DERA: variants seen among roughly 807,000 people sequenced by gnomAD.
The protein encoded by DERA is 2-deoxy-D-ribose 5-phosphate aldolase.
DERA carries 15 observed loss-of-function variants against 41.1 expected under a neutral mutation model. That is an observed-to-expected ratio of 0.37 (90% CI 0.24 to 0.56). The LOEUF (loss-of-function observed/expected upper bound fraction) is 0.56, where lower values mean the gene tolerates loss of function less well. Among genes scored for constraint, DERA ranks in the 20% least tolerant of loss-of-function variants. The probability of loss-of-function intolerance (pLI) is 0.81; values close to 1 mark genes in which losing one functional copy is unlikely to be tolerated. For synonymous variants in DERA, 139 were observed against 137.4 expected, an observed-to-expected ratio of 1.01 and a Z score of -0.08; for missense variants, 396 against 403.4, an observed-to-expected ratio of 0.98 and a Z score of 0.16.
rs1417479992 is a variant in DERA at position 15,928,435 on chromosome 12, A to C, written c.31+17021A>C. ...ACAGAAAGGATTACTTTAAATTTCA[A>C]CTCTTTCTGTATTTGCATTTTGGAC... On this transcript the variant is annotated intron_variant, in intron 1 of 8. Coordinates refer to ENST00000428559, the MANE Select transcript of DERA (RefSeq NM_015954.4). The surrounding 1 kb of genome is among the most constrained non-coding windows in gnomAD (Gnocchi z 4.6). 6.6e-6 allele frequency among the ~76,000 whole-genome samples: 1 copy of C among 152,150 alleles called. No homozygotes were observed. Among genetic ancestry groups the C allele is most frequent in the South Asian group, 2.1e-4 (1 of 4,828 alleles).
Position 15,928,158 on chromosome 12 carries a change from T to G in DERA, c.31+16744T>G, listed in dbSNP as rs544624713. Among the ~76,000 whole-genome samples the G allele has an allele frequency of 1.3e-5, 2 of 152,338 alleles. No homozygotes were observed. The highest frequency in any genetic ancestry group is 4.8e-5 in the African/African-American group (2 of 41,572). ...TGTTGAGAATGTCTGAAATTTACTC[T>G]CTTAGCCGTTTTGAAACATACATGA... On this transcript the variant is annotated intron_variant, in intron 1 of 8. Transcript: ENST00000428559. The surrounding 1 kb of genome is among the most constrained non-coding windows in gnomAD (Gnocchi z 4.6).
Position 16,017,773 on chromosome 12 carries a change from C to T in DERA, c.638-14769C>T, listed in dbSNP as rs1296174412. On this transcript the variant is annotated intron_variant, in intron 6 of 8. Transcript: ENST00000428559. This position sits in a 1 kb window ranked among gnomAD's most constrained non-coding sequence, Gnocchi z 5.5. ...AGTGTCGGAATTACCATACGAAACT[C>T]TCTTTCTAACTTTAATCGGTAATTT... Among the ~76,000 whole-genome samples, 1 of 152,190 alleles carries T rather than the reference C, an allele frequency of 6.6e-6. No individual in the cohort carries two copies. The highest frequency in any genetic ancestry group is 1.5e-5 in the Non-Finnish European group (1 of 68,018).
chr12:15,956,920 T>C lies in DERA; in HGVS notation c.32-16T>C. On this transcript the variant is annotated splice_polypyrimidine_tract_variant and intron_variant, in intron 1 of 8. Transcript: ENST00000428559. ...GAAACTTTAGGTTTCAGAAAGTGTT[T>C]TTCTGTCTGTTTTAGACCTTAGCTG... The C allele has an allele frequency of 6.2e-7, 1 of 1,600,942 alleles. No homozygotes were observed. Among genetic ancestry groups the C allele is most frequent in the Non-Finnish European group, 8.6e-7 (1 of 1,168,078 alleles).
intron 6 of DERA, among the ~76,000 whole-genome samples, 184 bp from the exon 7 acceptor site, chr12:16,032,358 G>T (rs971425117): frequency 6.6e-6 from 1 of 152,072 alleles, no homozygotes; most frequent in Non-Finnish European, 1.5e-5. Flanking sequence ...TGATGGTAAG[G>T]GGGAAAAAGT....
rs1948891057 is a variant in DERA, at chr12:16,003,678, G to A, written c.637+21242G>A. 1.3e-5 allele frequency among the ~76,000 whole-genome samples: 2 copies of A among 152,096 alleles called. No homozygotes were observed. The highest frequency in any genetic ancestry group is 2.9e-5 in the Non-Finnish European group (2 of 68,028). ...AAACAGGTGAGTTTGCATTTGTTGG[G>A]GGAGCGCCAGGAAACAAGAGTGTCA... On this transcript the variant is annotated intron_variant, in intron 6 of 8. Transcript: ENST00000428559. The surrounding 1 kb of genome is among the most constrained non-coding windows in gnomAD (Gnocchi z 4.8).
Position 15,918,731 on chromosome 12 carries a change from G to A in DERA, c.31+7317G>A, listed in dbSNP as rs185424361. Among the ~76,000 whole-genome samples the A allele has an allele frequency of 4.4e-4, 67 of 152,256 alleles. No homozygotes were observed. Among genetic ancestry groups the A allele is most frequent in the Admixed American group, 8.5e-4 (13 of 15,300 alleles). On this transcript the variant is annotated intron_variant, in intron 1 of 8. Transcript: ENST00000428559. This position sits in a 1 kb window ranked among gnomAD's most constrained non-coding sequence, Gnocchi z 4.3. ...ACAGGCAACTAAGGGAGATGTTTAT[G>A]TAAATCACCACATACGGCATGTTAA...
chr12:15,948,739 C>A (rs1360864968), intron 1 of DERA, among the ~76,000 whole-genome samples: 1 of 152,158 alleles, frequency 6.6e-6, no homozygotes, highest in African/African-American at 2.4e-5. Context: ...CTGTTGCTGG[C>A]GAGAAGCTGC....
rs1948189549 is a variant in DERA, at chr12:15,915,019, C to G, written c.31+3605C>G. ...TGGGATTTTTTTATTTTAAGAAGCA[C>G]ATTTATTTAGGTAGTTATTGAGTAC... On this transcript the variant is annotated intron_variant, in intron 1 of 8. Coordinates refer to ENST00000428559, the MANE Select transcript of DERA (RefSeq NM_015954.4). This position sits in a 1 kb window ranked among gnomAD's most constrained non-coding sequence, Gnocchi z 4.8. Among the ~76,000 whole-genome samples, 1 of 152,130 alleles carries G rather than the reference C, an allele frequency of 6.6e-6. No individual in the cohort carries two copies. The highest frequency in any genetic ancestry group is 2.1e-4 in the South Asian group (1 of 4,824).
At position 15,936,880 on chromosome 12, in the gene DERA, CTTGTCTTGT is replaced by C. The variant is rs1565588577; in HGVS notation, c.32-20055_32-20047del. Reference sequence around the variant, plus strand: ...CTTGTCTTGTCTTGTCTTGTCTTGTCTTGTCTTGTCCTGTCCTGTCCTGTCCTGTCCTGT... The same window carrying C: ...CTTGTCTTGTCTTGTCTTGTCTTGTCCCTGTCCTGTCCTGTCCTGTCCTGT... On this transcript the variant is annotated intron_variant, in intron 1 of 8. Coordinates refer to ENST00000428559, the MANE Select transcript of DERA (RefSeq NM_015954.4). This position sits in a 1 kb window ranked among gnomAD's most constrained non-coding sequence, Gnocchi z 4.6. Among the ~76,000 whole-genome samples, 2,984 of 144,672 alleles carry C rather than the reference CTTGTCTTGT, an allele frequency of 0.021. 126 individuals are homozygous for C. Among genetic ancestry groups the C allele is most frequent in the African/African-American group, 0.075 (2,813 of 37,518 alleles). The allele number at this position is 144,672 out of a possible 152,430, so 94.9% of individuals were successfully genotyped here.
At chr12:16,032,472 C>A in intron 6 of DERA, 70 bp from the exon 7 acceptor site, 1 of 858,342 alleles carries the variant, frequency 1.2e-6, no homozygotes. Context: ...CAACTCATTT[C>A]TCCCACTGAC....
chr12:15,949,519 TG>T (rs1948480445), intron 1 of DERA, among the ~76,000 whole-genome samples: 1 of 152,204 alleles, frequency 6.6e-6, no homozygotes, highest in Admixed American at 6.5e-5. Flanking sequence ...TATAATCTCC[TG>T]GTGTGCCGTT....
rs967861488 is a variant in DERA, at chr12:16,026,560, A to T, written c.638-5982A>T. On this transcript the variant is annotated intron_variant, in intron 6 of 8. Coordinates refer to ENST00000428559, the MANE Select transcript of DERA (RefSeq NM_015954.4). This position sits in a 1 kb window ranked among gnomAD's most constrained non-coding sequence, Gnocchi z 4.4. ...TTTAATTTCTTTTATAAAATATTTAATGTGACTTTTACATAAATTGTAAAT... is the reference window on the plus strand; with the variant it reads ...TTTAATTTCTTTTATAAAATATTTATTGTGACTTTTACATAAATTGTAAAT... Among the ~76,000 whole-genome samples the T allele has an allele frequency of 6.6e-6, 1 of 150,566 alleles. No individual in the cohort carries two copies. The highest frequency in any genetic ancestry group is 2.4e-5 in the African/African-American group (1 of 41,294).
At chr12:15,951,954 T>G (rs1284048388) in intron 1 of DERA, among the ~76,000 whole-genome samples, 1 of 151,810 alleles carries the variant, frequency 6.6e-6, no homozygotes, top group African/African-American at 2.4e-5. Context: ...CAGGCTAGAG[T>G]ACAGTGGCGC....
At chr12:15,968,427 G>A (rs1436969410) in intron 5 of DERA, among the ~76,000 whole-genome samples, 1 of 152,176 alleles carries the variant, frequency 6.6e-6, no homozygotes, top group Non-Finnish European at 1.5e-5. Context: ...GGATGGCTGT[G>A]CTCTCTGATA....
intron 1 of DERA, among the ~76,000 whole-genome samples, chr12:15,942,124 C>T (rs1471193459): frequency 1.3e-5 from 2 of 152,046 alleles, no homozygotes; most frequent in Non-Finnish European, 2.9e-5. Context: ...TGATGTTGAC[C>T]TTTTTAAAAA....
chr12:15,974,455 T>C (rs923701582), intron 5 of DERA, among the ~76,000 whole-genome samples: 3 of 152,202 alleles, frequency 2.0e-5, no homozygotes, highest in African/African-American at 4.8e-5. Context: ...TTGTTTGGTA[T>C]TTTCTCACAG....
chr12:15,967,506 A>G lies in DERA; in HGVS notation c.508+4559A>G, dbSNP rs1384428534. Among the ~76,000 whole-genome samples, 1 of 152,222 alleles carries G rather than the reference A, an allele frequency of 6.6e-6. No individual in the cohort carries two copies. Among genetic ancestry groups the G allele is most frequent in the African/African-American group, 2.4e-5 (1 of 41,462 alleles). On this transcript the variant is annotated intron_variant, in intron 5 of 8. Transcript: ENST00000428559. This position sits in a 1 kb window ranked among gnomAD's most constrained non-coding sequence, Gnocchi z 4.9. ...TAACAATTTTTATTAAATACAATTT[A>G]ATTTTTTCTTGATTATTCCAAACTG...
rs1948162866 is a variant in DERA at position 15,911,459 on chromosome 12, G to T, written c.31+45G>T. ...CCCCATCCCCTCTCCCTCGCGTTCA[G>T]CGCCGCCGGGACTAGCGCGGGGCCT... is the stretch of plus-strand genomic sequence containing the variant. On this transcript the variant is annotated intron_variant, in intron 1 of 8. Coordinates refer to ENST00000428559, the MANE Select transcript of DERA (RefSeq NM_015954.4). This position sits in a 1 kb window ranked among gnomAD's most constrained non-coding sequence, Gnocchi z 4.5. The T allele has an allele frequency of 3.6e-6, 5 of 1,408,194 alleles. No individual in the cohort carries two copies. Among genetic ancestry groups the T allele is most frequent in the Non-Finnish European group, 4.6e-6 (5 of 1,085,998 alleles). The allele number at this position is 1,408,194 out of a possible 1,614,324, so 87.2% of individuals were successfully genotyped here.
At chr12:15,917,578 C>G (rs932388264) in intron 1 of DERA, among the ~76,000 whole-genome samples, 2 of 152,134 alleles carry the variant, frequency 1.3e-5, no homozygotes, top group Non-Finnish European at 2.9e-5. Context: ...GCTCAGAAAA[C>G]ACAAGTAACT....
Sources: allele counts gnomAD v4.1 joint callset (sites outside exome capture counted in the v4.1 genomes callset), GRCh38; gene constraint gnomAD v4.1.1; non-coding constraint Gnocchi (gnomAD v3.1); transcripts MANE v1.5; gene names NCBI Gene and HGNC (gene_info 2026-07-23, HGNC 2026-07-21).